PCDH9: variants seen among roughly 807,000 people sequenced by gnomAD.
PCDH9 encodes protocadherin 9, also known as protocadherin-9.
A neutral mutation model predicts 70.6 loss-of-function variants in PCDH9; 24 were observed. The observed-to-expected ratio is 0.34, with a 90% CI of 0.25 to 0.48. The LOEUF is 0.48. Among genes scored for constraint, PCDH9 ranks in the 20% least tolerant of loss-of-function variants. The probability of loss-of-function intolerance (pLI) is 0.99; values close to 1 mark genes in which losing one functional copy is unlikely to be tolerated. For missense variants in PCDH9, 1,281 were observed against 1,503.6 expected (o/e 0.85, Z 2.45); for synonymous variants, 562 against 558.5 (o/e 1.01, Z -0.09).
chr13:66,876,188 A>C (rs1224832766), intron 3 of PCDH9, among the ~76,000 whole-genome samples: 2 of 152,200 alleles, frequency 1.3e-5, no homozygotes, highest in Non-Finnish European at 2.9e-5. Context: ...CAATAGCCAG[A>C]GTGGATTAGA....
intron 3 of PCDH9, among the ~76,000 whole-genome samples, chr13:66,878,422 T>A (rs1410092037): frequency 6.6e-6 from 1 of 152,044 alleles, no homozygotes; most frequent in Non-Finnish European, 1.5e-5. Flanking sequence ...AGACAGGGTT[T>A]CACCTCGTTG....
intron 2 of PCDH9, among the ~76,000 whole-genome samples, chr13:66,964,156 G>A (rs1004162037): frequency 3.3e-5 from 5 of 151,954 alleles, no homozygotes; most frequent in Admixed American, 6.6e-5. Flanking sequence ...ATTGGTAACA[G>A]AGTAAGCATT....
intron 2 of PCDH9, among the ~76,000 whole-genome samples, chr13:66,979,800 T>C (rs945122579): frequency 5.3e-5 from 8 of 152,254 alleles, no homozygotes; most frequent in African/African-American, 1.9e-4. Context: ...TTTTATAAGA[T>C]TTGACTATGT....
chr13:66,734,726 T>C (rs1279037020), intron 3 of PCDH9, among the ~76,000 whole-genome samples: 1 of 152,240 alleles, frequency 6.6e-6, no homozygotes, highest in Non-Finnish European at 1.5e-5. Context: ...GCACTAACTA[T>C]AGGCTAGGTA....
At chr13:66,555,889 T>TTA (rs548245359) in intron 4 of PCDH9, among the ~76,000 whole-genome samples, 38 of 147,804 alleles carry the variant, frequency 2.6e-4, no homozygotes, top group Admixed American at 8.1e-4. Flanking sequence ...TATTGAAGTT[T>TTA]TATATATATA....
chr13:67,215,334 A>G (rs2089577452), intron 2 of PCDH9: 1 of 152,084 alleles, frequency 6.6e-6, no homozygotes, highest in African/African-American at 2.4e-5. Flanking sequence ...TATAGAATTT[A>G]TACTTGATTC....
At chr13:66,361,766 C>T (rs569917855) in intron 4 of PCDH9, among the ~76,000 whole-genome samples, 191 of 152,198 alleles carry the variant, frequency 1.3e-3, no homozygotes, top group Non-Finnish European at 1.5e-3. Context: ...TTGCATTTTT[C>T]AAAGCGGTAT....
chr13:66,423,261 C>A (rs1164394659), intron 4 of PCDH9, among the ~76,000 whole-genome samples: 2 of 151,864 alleles, frequency 1.3e-5, no homozygotes, highest in Non-Finnish European at 2.9e-5. Context: ...GAGCTGGGAC[C>A]ATTCCTTCTG....
intron 2 of PCDH9, among the ~76,000 whole-genome samples, chr13:67,031,438 T>C (rs961253092): frequency 4.6e-5 from 7 of 152,098 alleles, no homozygotes; most frequent in Non-Finnish European, 7.4e-5. Flanking sequence ...GGCGAGGTGG[T>C]TCATGTCTGT....
intron 4 of PCDH9, among the ~76,000 whole-genome samples, chr13:66,409,668 T>C (rs568905408): frequency 6.6e-6 from 1 of 152,330 alleles, no homozygotes; most frequent in East Asian, 1.9e-4. Flanking sequence ...CCAGTTATTG[T>C]AATACCATTC....
At chr13:66,870,062 C>G (rs1274744609) in intron 3 of PCDH9, among the ~76,000 whole-genome samples, 1 of 152,086 alleles carries the variant, frequency 6.6e-6, no homozygotes, top group Non-Finnish European at 1.5e-5. Context: ...TTAGGTCTAA[C>G]ATTTAAGTCT....
intron 2 of PCDH9, among the ~76,000 whole-genome samples, chr13:66,945,106 T>G (rs1422907349): frequency 6.6e-6 from 1 of 151,922 alleles, no homozygotes; most frequent in African/African-American, 2.4e-5. Context: ...ATAAAAGAAA[T>G]TTACATTTAT....
intron 2 of PCDH9, among the ~76,000 whole-genome samples, chr13:66,953,852 CAAG>C (rs1328930057): frequency 6.6e-6 from 1 of 152,070 alleles, no homozygotes; most frequent in African/African-American, 2.4e-5. Flanking sequence ...CACAGAAGAC[CAAG>C]AAGATCATAC....
intron 4 of PCDH9, among the ~76,000 whole-genome samples, chr13:66,384,399 C>T (rs1238467248): frequency 2.0e-5 from 3 of 151,906 alleles, no homozygotes; most frequent in Non-Finnish European, 2.9e-5. Flanking sequence ...TTTTGTTGTT[C>T]TATCAGAAAA....
chr13:66,344,837 G>T (rs1335092482), intron 4 of PCDH9, among the ~76,000 whole-genome samples: 1 of 152,136 alleles, frequency 6.6e-6, no homozygotes, highest in African/African-American at 2.4e-5. Flanking sequence ...ACACATGCAC[G>T]TCTCCAGAGA....
At chr13:66,934,793 T>G (rs944481080) in intron 2 of PCDH9, among the ~76,000 whole-genome samples, 15 of 118,522 alleles carry the variant, frequency 1.3e-4, no homozygotes, top group African/African-American at 4.6e-4. Flanking sequence ...CGATCTCGGC[T>G]CACTGCAAGC....
intron 3 of PCDH9, among the ~76,000 whole-genome samples, chr13:66,865,079 T>C (rs2081549988): frequency 6.6e-6 from 1 of 152,180 alleles, no homozygotes; most frequent in Admixed American, 6.5e-5. Flanking sequence ...AACAGAATCT[T>C]CATACTTTTA....
chr13:66,925,510 A>T (rs1301252390), intron 2 of PCDH9, among the ~76,000 whole-genome samples: 2 of 151,906 alleles, frequency 1.3e-5, no homozygotes, highest in Admixed American at 6.6e-5. Context: ...TTCTCTGCAC[A>T]TTATCTTAGT....
At chr13:66,419,984 G>C (rs925046282) in intron 4 of PCDH9, among the ~76,000 whole-genome samples, 1 of 152,082 alleles carries the variant, frequency 6.6e-6, no homozygotes, top group Admixed American at 6.5e-5. Context: ...CAGCTTGGTG[G>C]GGGGAGGGGC....
Sources: allele counts gnomAD v4.1 joint callset (sites outside exome capture counted in the v4.1 genomes callset), GRCh38; gene constraint gnomAD v4.1.1; transcripts MANE v1.5; gene names NCBI Gene and HGNC (gene_info 2026-07-23, HGNC 2026-07-21).